Variants in EFCAB11 observed in about 807,000 individuals in gnomAD.
EFCAB11 encodes the protein EF-hand calcium binding domain 11, also known as EF-hand calcium-binding domain-containing protein 11.
A neutral mutation model predicts 23.0 loss-of-function variants in EFCAB11; 14 were observed. That is an observed-to-expected ratio of 0.61 (90% confidence interval 0.40 to 0.95). The LOEUF (loss-of-function observed/expected upper bound fraction) is 0.95, where lower values mean the gene tolerates loss of function less well. Among genes scored for constraint, EFCAB11 ranks in the 40% least tolerant of loss-of-function variants. EFCAB11 has a pLI of 0.00. For missense variants in EFCAB11, 198 were observed against 195.8 expected (o/e 1.01, Z -0.07); for synonymous variants, 65 against 66.6 (o/e 0.98, Z 0.11).
chr14:89,950,054 G>A lies in EFCAB11; in HGVS notation c.217+43C>T, dbSNP rs1891113244. ...AGGGACACAGCCAAGCCATCTCAGTGTCTAAATAAGGTACTAAAAATTAAT... is the reference window on the plus strand; with the variant it reads ...AGGGACACAGCCAAGCCATCTCAGTATCTAAATAAGGTACTAAAAATTAAT... On this transcript the variant is annotated intron_variant, in intron 3 of 5. Coordinates refer to ENST00000316738, the MANE Select transcript of EFCAB11 (RefSeq NM_145231.4). 4.7e-6 allele frequency: 7 copies of A among 1,492,532 alleles called. No homozygotes were observed. The East Asian group carries it at 7.5e-5, about 16-fold the overall frequency. 92.5% of individuals were successfully genotyped at this position (1,492,532 alleles called of 1,614,324 possible). A position where few individuals can be genotyped will look rare whatever the true frequency, so the allele number is the denominator to read the frequency against.
intron 5 of EFCAB11, among the ~76,000 whole-genome samples, chr14:89,858,537 T>C (rs1468709136): frequency 6.6e-6 from 1 of 151,836 alleles, no homozygotes; most frequent in Non-Finnish European, 1.5e-5. Context: ...TCGCCCAGAG[T>C]TGAGTGCAGT....
chr14:89,937,234 G>A (rs974152830), intron 3 of EFCAB11, among the ~76,000 whole-genome samples: 1 of 152,046 alleles, frequency 6.6e-6, no homozygotes, highest in African/African-American at 2.4e-5. Context: ...TTCAGCTGTA[G>A]GAAAGATTCT....
chr14:89,859,132 T>G (rs1311134995), intron 5 of EFCAB11, among the ~76,000 whole-genome samples: 1 of 152,190 alleles, frequency 6.6e-6, no homozygotes, highest in Non-Finnish European at 1.5e-5. Flanking sequence ...TAGCCAAAAT[T>G]ATTAGATAAC....
At chr14:89,924,150 T>A (rs186106502) in intron 5 of EFCAB11, 1 of 985,958 alleles carries the variant, frequency 1.0e-6, no homozygotes, top group Admixed American at 6.1e-5. Flanking sequence ...TGAAAATATC[T>A]TATTCAACAA....
chr14:89,813,385 G>C (rs1417073149), intron 5 of EFCAB11, among the ~76,000 whole-genome samples: 1 of 152,076 alleles, frequency 6.6e-6, no homozygotes, highest in Non-Finnish European at 1.5e-5. Context: ...AAAGGAAAAT[G>C]GCAAAATGAT....
intron 5 of EFCAB11, among the ~76,000 whole-genome samples, chr14:89,925,352 T>A (rs1475074701): frequency 6.6e-6 from 1 of 152,182 alleles, no homozygotes; most frequent in East Asian, 1.9e-4. Flanking sequence ...CACTGAAGAT[T>A]TCTGAACATG....
chr14:89,917,733 T>C (rs7149288), intron 5 of EFCAB11, among the ~76,000 whole-genome samples: 48,044 of 152,166 alleles, frequency 0.32, 11,599 homozygotes, highest in African/African-American at 0.67. Context: ...CCTAGGGGCT[T>C]GGTTCTGTGA....
At chr14:89,944,109 C>T (rs1890884401) in intron 3 of EFCAB11, among the ~76,000 whole-genome samples, 1 of 152,192 alleles carries the variant, frequency 6.6e-6, no homozygotes, top group African/African-American at 2.4e-5. Flanking sequence ...TCTCATGCTG[C>T]TGATAAAGAT....
At chr14:89,872,698 T>G (rs936840504) in intron 5 of EFCAB11, among the ~76,000 whole-genome samples, 1 of 152,132 alleles carries the variant, frequency 6.6e-6, no homozygotes, top group African/African-American at 2.4e-5. Context: ...GAGATAGGGT[T>G]GTTAAAGAGG....
chr14:89,954,407 T>G, intron 1 of EFCAB11, 179 bp downstream of exon 1: 1 of 1,536,498 alleles, frequency 6.5e-7, no homozygotes, highest in Non-Finnish European at 8.7e-7. Context: ...GTAGCCGTAG[T>G]CCTGGACGGG....
At chr14:89,826,639 G>T (rs1350226383) in intron 5 of EFCAB11, among the ~76,000 whole-genome samples, 1 of 152,106 alleles carries the variant, frequency 6.6e-6, no homozygotes, top group East Asian at 1.9e-4. Context: ...GAGATAAAAA[G>T]AAGTGAAATA....
At chr14:89,940,662 A>G (rs1890759441) in intron 3 of EFCAB11, among the ~76,000 whole-genome samples, 1 of 152,228 alleles carries the variant, frequency 6.6e-6, no homozygotes, top group Non-Finnish European at 1.5e-5. Context: ...TCAAAGTAGA[A>G]TATGTTCATT....
At chr14:89,831,016 A>T (rs1285193698) in intron 5 of EFCAB11, 1 of 152,338 alleles carries the variant, frequency 6.6e-6, no homozygotes, top group African/African-American at 2.4e-5. Context: ...GGACTTATTT[A>T]TTGGGTGGAG....
chr14:89,797,495 G>T (rs1885614924), intron 5 of EFCAB11, among the ~76,000 whole-genome samples, 171 bp from the exon 6 acceptor site: 1 of 151,992 alleles, frequency 6.6e-6, no homozygotes, highest in South Asian at 2.1e-4. Context: ...AAGGTTTGCA[G>T]GAAAGAAAGG....
At chr14:89,806,293 G>A (rs1246577984) in intron 5 of EFCAB11, among the ~76,000 whole-genome samples, 1 of 152,034 alleles carries the variant, frequency 6.6e-6, no homozygotes, top group East Asian at 1.9e-4. Flanking sequence ...ATGTCATTTC[G>A]GATTATTGAC....
At chr14:89,892,365 G>C in intron 5 of EFCAB11, 2 of 1,611,732 alleles carry the variant, frequency 1.2e-6, no homozygotes, top group South Asian at 1.1e-5. Context: ...GAGGGCTTGG[G>C]GGGTGTCCGG....
chr14:89,864,658 C>T (rs1045731317), intron 5 of EFCAB11, among the ~76,000 whole-genome samples: 5 of 152,090 alleles, frequency 3.3e-5, no homozygotes, highest in African/African-American at 1.2e-4. Context: ...AGGCTGGTCT[C>T]GAACTCCTGG....
intron 3 of EFCAB11, among the ~76,000 whole-genome samples, chr14:89,943,982 T>G (rs1221003619): frequency 2.6e-5 from 4 of 152,302 alleles, no homozygotes; most frequent in African/African-American, 9.6e-5. Flanking sequence ...AGTCAAATCC[T>G]TAATTCAAAA....
At chr14:89,870,863 C>A (rs527736850) in intron 5 of EFCAB11, among the ~76,000 whole-genome samples, 1 of 152,022 alleles carries the variant, frequency 6.6e-6, no homozygotes, top group Admixed American at 6.6e-5. Flanking sequence ...CCGCTTGAAC[C>A]CGGGAAGTGG....
Sources: allele counts gnomAD v4.1 joint callset (sites outside exome capture counted in the v4.1 genomes callset), GRCh38; gene constraint gnomAD v4.1.1; transcripts MANE v1.5; gene names NCBI Gene and HGNC (gene_info 2026-07-23, HGNC 2026-07-21).